CMTR1: variants seen among roughly 807,000 people sequenced by gnomAD.
CMTR1 encodes the protein cap methyltransferase 1.
In CMTR1, 39 loss-of-function variants were observed where a neutral mutation model predicts 107.0. The observed-to-expected ratio is 0.36, with a 90% CI of 0.28 to 0.48. The LOEUF (loss-of-function observed/expected upper bound fraction) is 0.48, where lower values mean the gene tolerates loss of function less well. Ranked by LOEUF, CMTR1 falls within the 20% of genes least tolerant of loss-of-function variation. CMTR1 has a pLI of 0.99. For missense variants in CMTR1, 672 were observed against 1,064.9 expected, an observed-to-expected ratio of 0.63 and a Z score of 5.14; for synonymous variants, 366 against 379.5, an observed-to-expected ratio of 0.96 and a Z score of 0.41.
chr6:37,427,108 G>A, the CMTR1 span, among the ~76,000 whole-genome samples: 1 of 152,164 alleles, frequency 6.6e-6, no homozygotes, highest in South Asian at 2.1e-4. This position sits in a 1 kb window ranked among gnomAD's most constrained non-coding sequence, Gnocchi z 4.4. Context: ...GCTGAGTGGT[G>A]GTGGATGAGT....
At chr6:37,443,206 A>G (rs1186368002) in intron 2 of CMTR1, among the ~76,000 whole-genome samples, 13 of 152,194 alleles carry the variant, frequency 8.5e-5, no homozygotes, top group Non-Finnish European at 4.4e-5. Context: ...TTTTGCAATT[A>G]TAAGAAATAA....
Position 37,472,446 on chromosome 6 carries a change from T to G in CMTR1, c.1648T>G (p.Ser550Ala). ...CCCAGACCAGGCTCGTGTGGCTCCT[T>G]CTTCCTCCGACCCTAAATCGAAGTT... is the stretch of plus-strand genomic sequence containing the variant. ...GIPDQARVAP[S>A]SSDPKSKFFE... is the part of the protein sequence containing the mutation. Residue 550 changes from serine (S) to alanine (A), a missense_variant, in exon 16 of 24, where the codon TCT becomes GCT. Physicochemically the swap from Ser to Ala is moderately conservative, Grantham distance 99 (BLOSUM62 1). This residue lies in a region of CMTR1 where 583 missense variants were observed against 968.4 expected (regional missense o/e 0.60). Coordinates refer to ENST00000373451, the MANE Select transcript of CMTR1 (RefSeq NM_015050.3). The surrounding 1 kb of genome is among the most constrained non-coding windows in gnomAD (Gnocchi z 4.1). 2 of 1,614,208 alleles carry G rather than the reference T, an allele frequency of 1.2e-6. No homozygotes were observed.
At chr6:37,476,945 TA>T (rs1326382924) in intron 20 of CMTR1, among the ~76,000 whole-genome samples, 1 of 152,262 alleles carries the variant, frequency 6.6e-6, no homozygotes, top group African/African-American at 2.4e-5. Context: ...TTCTGCACTT[TA>T]AAATGTCCTG....
intron 1 of CMTR1, among the ~76,000 whole-genome samples, chr6:37,434,619 GTTTC>G (rs1385372998): frequency 2.6e-5 from 4 of 152,104 alleles, no homozygotes; most frequent in African/African-American, 7.2e-5. Flanking sequence ...CATGGTGCCT[GTTTC>G]TTTCTTTTTT....
chr6:37,453,460 C>T, intron 8 of CMTR1, 148 bp downstream of exon 8: 1 of 733,670 alleles, frequency 1.4e-6, no homozygotes, highest in Non-Finnish European at 2.3e-6. Context: ...TAGGGTCCCA[C>T]AGTGCTTCTG....
upstream of CMTR1, among the ~76,000 whole-genome samples, chr6:37,428,255 G>A (rs552969663): frequency 5.3e-5 from 8 of 152,322 alleles, no homozygotes; most frequent in African/African-American, 1.7e-4. Flanking sequence ...CAAGGGTGGT[G>A]TCATTGCAAG....
upstream of CMTR1, among the ~76,000 whole-genome samples, chr6:37,429,582 G>T (rs75221943): frequency 0.041 from 6,304 of 152,280 alleles, 145 homozygotes; most frequent in Middle Eastern, 0.092. Context: ...ATTGGTTACA[G>T]TTTGGCATTT....
At chr6:37,457,646 AG>A (rs1761323304) in intron 8 of CMTR1, among the ~76,000 whole-genome samples, 1 of 152,218 alleles carries the variant, frequency 6.6e-6, no homozygotes, top group African/African-American at 2.4e-5. Context: ...AAACTGGGTG[AG>A]GGGTACTATC....
In CMTR1 at chr6:37,446,371, G is replaced by A; in HGVS notation, c.366G>A (p.Gln122=). 1 of 1,614,196 alleles carries A rather than the reference G, an allele frequency of 6.2e-7. No homozygotes were observed. Among genetic ancestry groups the A allele is most frequent in the Non-Finnish European group, 8.5e-7 (1 of 1,180,042 alleles). Reference sequence around the variant, plus strand: ...AGGACATCGTTGAGGCTTCCAGTCAGAAAGGTCGAAGAGGCTTGGGTCTGA... The same window carrying A: ...AGGACATCGTTGAGGCTTCCAGTCAAAAAGGTCGAAGAGGCTTGGGTCTGA... The part of the protein sequence containing the change: ...GRKDIVEASS[Q]KGRRGLGLTL... Residue 122 remains glutamine, a synonymous_variant, in exon 4 of 24, where the codon CAG becomes CAA. Transcript: ENST00000373451.
In CMTR1 at chr6:37,446,426, G is replaced by A. The variant is rs1007372135; in HGVS notation, c.421G>A (p.Val141Met). The stretch of plus-strand genomic sequence containing the variant: ...CCGGGGCTTTGACCAGGAGCTGAAC[G>A]TGGACTGGCGAGATGAGCCAGAGGT... ...TLRGFDQELN[V>M]DWRDEPEPSA... is the part of the protein sequence containing the mutation. The change falls in exon 4 of 24, where the codon GTG becomes ATG. Residue 141 changes from valine to methionine, a missense_variant. Coordinates refer to ENST00000373451, the MANE Select transcript of CMTR1 (RefSeq NM_015050.3). 38 of 1,613,642 alleles carry A rather than the reference G, an allele frequency of 2.4e-5. No individual in the cohort carries two copies. Among genetic ancestry groups the A allele is most frequent in the Non-Finnish European group, 3.1e-5 (37 of 1,180,012 alleles).
At chr6:37,474,068 T>C (rs1485366955) in intron 17 of CMTR1, among the ~76,000 whole-genome samples, 1 of 152,246 alleles carries the variant, frequency 6.6e-6, no homozygotes, top group Non-Finnish European at 1.5e-5. Context: ...GGTAAAGTCA[T>C]TGCTTTTTCT....
chr6:37,434,999 C>A (rs1034493723), intron 1 of CMTR1, among the ~76,000 whole-genome samples: 9 of 152,178 alleles, frequency 5.9e-5, no homozygotes, highest in African/African-American at 2.2e-4. Flanking sequence ...TACCTCCAGT[C>A]CCAATAACTT....
In CMTR1 at chr6:37,451,845, GA is replaced by G; in HGVS notation, c.579del (p.Glu194SerfsTer33). On this transcript the variant is annotated frameshift_variant, in exon 6 of 24. Coordinates refer to ENST00000373451, the MANE Select transcript of CMTR1 (RefSeq NM_015050.3). LOFTEE classifies it high-confidence loss of function. ...TGAAGATGAAACAGAGTTTTGTGGG[GA>G]AGAGCTGCTTCACAGTGTGTTGCAG... Reference protein sequence around the residue: ...IIEDETEFCGEELLHSVLQCK... With the variant: ...IIEDETEFCGXELLHSVLQCK... 1 of 1,613,620 alleles carries G rather than the reference GA, an allele frequency of 6.2e-7. No individual in the cohort carries two copies.
chr6:37,460,581 T>A (rs566705651), intron 10 of CMTR1, among the ~76,000 whole-genome samples: 1 of 151,942 alleles, frequency 6.6e-6, no homozygotes, highest in East Asian at 1.9e-4. Context: ...TTGAGAAGCA[T>A]CTTTAAGTCT....
intron 10 of CMTR1, among the ~76,000 whole-genome samples, chr6:37,460,146 C>T (rs1305504313): frequency 1.3e-5 from 2 of 152,208 alleles, no homozygotes; most frequent in Non-Finnish European, 2.9e-5. Flanking sequence ...TGCAGGCATT[C>T]CTTTCTGGAG....
intron 8 of CMTR1, among the ~76,000 whole-genome samples, chr6:37,457,741 G>A (rs960108727): frequency 6.6e-6 from 1 of 152,142 alleles, no homozygotes; most frequent in Non-Finnish European, 1.5e-5. Context: ...GAGAGCCAAG[G>A]AGGAAGGGGA....
chr6:37,478,746 AACTTGT>A (rs1315727614), intron 22 of CMTR1, among the ~76,000 whole-genome samples: 15 of 152,138 alleles, frequency 9.9e-5, no homozygotes, highest in Non-Finnish European at 1.8e-4. Flanking sequence ...AGAGGAGCTC[AACTTGT>A]ACACACGCAC....
At chr6:37,461,482 G>A in intron 10 of CMTR1, 67 bp from the exon 11 acceptor site, 1 of 806,796 alleles carries the variant, frequency 1.2e-6, no homozygotes, top group Non-Finnish European at 2.1e-6. Context: ...TGAAGATGAG[G>A]TAGTGATGTT....
chr6:37,455,085 A>T (rs1190187220), intron 8 of CMTR1, among the ~76,000 whole-genome samples: 1 of 87,838 alleles, frequency 1.1e-5, no homozygotes, highest in African/African-American at 5.6e-5. Flanking sequence ...AGCAGACTGA[A>T]GTTTTTTTTT....
Sources: allele counts gnomAD v4.1 joint callset (sites outside exome capture counted in the v4.1 genomes callset), GRCh38; gene constraint gnomAD v4.1.1; regional missense constraint gnomAD v4.1.1; non-coding constraint Gnocchi (gnomAD v3.1); transcripts MANE v1.5; gene names NCBI Gene and HGNC (gene_info 2026-07-23, HGNC 2026-07-21).